The following CSMD1 variants were observed in gnomAD, a reference collection of about 807,000 sequenced individuals.
CSMD1 encodes CUB and Sushi multiple domains 1, also known as CUB and sushi domain-containing protein 1.
In CSMD1, 213 loss-of-function variants were observed where a neutral mutation model predicts 417.5. The ratio of observed to expected loss-of-function variants is 0.51; its 90% CI spans 0.46 to 0.57. The LOEUF is 0.57. Ranked by LOEUF, CSMD1 falls within the 20% of genes least tolerant of loss-of-function variation. The pLI is 0.00. For missense variants in CSMD1, 6,923 were observed against 4,529.7 expected, an observed-to-expected ratio of 1.53 and a Z score of -15.17; for synonymous variants, 2,862 against 1,736.8, an observed-to-expected ratio of 1.65 and a Z score of -16.11.
chr8:4,752,422 G>T (rs1250455323), intron 1 of CSMD1, among the ~76,000 whole-genome samples: 1 of 152,152 alleles, frequency 6.6e-6, no homozygotes, highest in Admixed American at 6.5e-5. Flanking sequence ...GACTGAACTT[G>T]TGACTGATTG....
intron 10 of CSMD1, among the ~76,000 whole-genome samples, chr8:3,572,866 C>G (rs1232678861): frequency 6.6e-6 from 1 of 152,168 alleles, no homozygotes; most frequent in African/African-American, 2.4e-5. Flanking sequence ...TAAAGTTCTA[C>G]TATCTAACCT....
At chr8:4,283,783 G>C (rs982760474) in intron 3 of CSMD1, among the ~76,000 whole-genome samples, 1 of 34,350 alleles carries the variant, frequency 2.9e-5, no homozygotes, top group Non-Finnish European at 1.2e-4. Context: ...ACCAAAAGGA[G>C]AATAAAAAAA....
At chr8:4,236,231 G>C (rs571696392) in intron 3 of CSMD1, among the ~76,000 whole-genome samples, 1 of 151,856 alleles carries the variant, frequency 6.6e-6, no homozygotes. Context: ...ATAATCCATC[G>C]CATCACCTAC....
At position 3,806,931 on chromosome 8, in the gene CSMD1, T is replaced by C. The variant is rs139912860; in HGVS notation, c.819-52889A>G. On this transcript the variant is annotated intron_variant, in intron 5 of 69. Coordinates refer to ENST00000635120, the MANE Select transcript of CSMD1 (RefSeq NM_033225.6). ...AGTAGTAGTGAGGTACTTATTCTAATTGTCAGATAGGATTTAATCCAACTG... is the reference window on the plus strand; with the variant it reads ...AGTAGTAGTGAGGTACTTATTCTAACTGTCAGATAGGATTTAATCCAACTG... 3.0e-4 allele frequency among the ~76,000 whole-genome samples: 45 copies of C among 152,274 alleles called. No homozygotes were observed. In the East Asian group the frequency reaches 7.3e-3, roughly 25 times the overall value.
At chr8:4,212,329 G>A (rs545965498) in intron 3 of CSMD1, among the ~76,000 whole-genome samples, 58 of 152,026 alleles carry the variant, frequency 3.8e-4, no homozygotes, top group Admixed American at 1.1e-3. Flanking sequence ...TGTATCTACA[G>A]GTAACTTGAA....
intron 3 of CSMD1, among the ~76,000 whole-genome samples, chr8:4,404,205 G>A (rs932746829): frequency 9.2e-5 from 14 of 151,986 alleles, no homozygotes; most frequent in African/African-American, 2.9e-4. Context: ...CTGACAATCC[G>A]TATGCCACTT....
At chr8:4,985,683 T>G (rs1331545349) in intron 1 of CSMD1, among the ~76,000 whole-genome samples, 1 of 152,200 alleles carries the variant, frequency 6.6e-6, no homozygotes, top group Non-Finnish European at 1.5e-5. Flanking sequence ...GAATTTCCCT[T>G]GATATTATTT....
intron 6 of CSMD1, among the ~76,000 whole-genome samples, chr8:3,748,052 G>A (rs751488774): frequency 1.3e-5 from 2 of 152,114 alleles, no homozygotes; most frequent in Non-Finnish European, 2.9e-5. Context: ...AGGGGTACTG[G>A]CTAATCGTAA....
At chr8:4,724,518 ATATGTGTGTGTG>A (rs1809284723) in intron 1 of CSMD1, among the ~76,000 whole-genome samples, 1 of 138,188 alleles carries the variant, frequency 7.2e-6, no homozygotes, top group South Asian at 2.3e-4. Flanking sequence ...CTTTATATAT[ATATGTGTGTGTG>A]TGTGTGTGTG....
At chr8:3,107,905 G>C in intron 44 of CSMD1, 107 bp from the exon 45 acceptor site, 1 of 674,862 alleles carries the variant, frequency 1.5e-6, no homozygotes, top group Non-Finnish European at 2.5e-6. Flanking sequence ...TTAAGTACAC[G>C]GACTGAAATG....
chr8:3,085,802 C>A (rs1034828124), intron 49 of CSMD1, among the ~76,000 whole-genome samples: 3 of 152,150 alleles, frequency 2.0e-5, no homozygotes, highest in African/African-American at 4.8e-5. Flanking sequence ...GAACTCCTTG[C>A]ATATCCATCA....
chr8:3,432,508 CTTTTTTTTT>C, intron 12 of CSMD1, among the ~76,000 whole-genome samples: 1 of 105,316 alleles, frequency 9.5e-6, no homozygotes, highest in East Asian at 2.7e-4. Flanking sequence ...TCAATATGGG[CTTTTTTTTT>C]TTTTTTTTTT....
intron 54 of CSMD1, among the ~76,000 whole-genome samples, chr8:2,982,421 T>C (rs1372856828): frequency 1.3e-5 from 2 of 152,226 alleles, no homozygotes; most frequent in Non-Finnish European, 2.9e-5. Flanking sequence ...TTATTCTCTT[T>C]CAAACTTTCT....
Position 3,156,328 on chromosome 8 carries a change from A to G in CSMD1, c.5914+1569T>C, listed in dbSNP as rs142567512. Reference sequence around the variant, plus strand: ...ACAGCACCCCAGAAGTGTGACTGTTATAATGATCCAGGCTCTCTGATACTC... The same window carrying G: ...ACAGCACCCCAGAAGTGTGACTGTTGTAATGATCCAGGCTCTCTGATACTC... On this transcript the variant is annotated intron_variant, in intron 39 of 69. Coordinates refer to ENST00000635120, the MANE Select transcript of CSMD1 (RefSeq NM_033225.6). Among the ~76,000 whole-genome samples, 401 of 152,320 alleles carry G rather than the reference A, an allele frequency of 2.6e-3. 8 individuals carry two copies. The highest frequency in any genetic ancestry group is 9.2e-3 in the African/African-American group (383 of 41,568).
At chr8:4,137,054 G>A (rs928830382) in intron 3 of CSMD1, among the ~76,000 whole-genome samples, 2 of 152,188 alleles carry the variant, frequency 1.3e-5, no homozygotes, top group Non-Finnish European at 2.9e-5. Flanking sequence ...GGCTTTTCGG[G>A]CTCTAACTTC....
intron 41 of CSMD1, among the ~76,000 whole-genome samples, chr8:3,132,441 T>C (rs1389152643): frequency 3.9e-5 from 6 of 152,130 alleles, no homozygotes; most frequent in Non-Finnish European, 4.4e-5. Flanking sequence ...TAATGTTTTA[T>C]TCAAAAATGG....
intron 5 of CSMD1, among the ~76,000 whole-genome samples, chr8:3,870,163 C>G (rs972129997): frequency 6.6e-6 from 1 of 152,052 alleles, no homozygotes; most frequent in Non-Finnish European, 1.5e-5. Flanking sequence ...CAATTTGAAT[C>G]TTGGTTAAAG....
At chr8:3,983,706 G>T (rs889466462) in intron 5 of CSMD1, among the ~76,000 whole-genome samples, 1 of 152,204 alleles carries the variant, frequency 6.6e-6, no homozygotes, top group African/African-American at 2.4e-5. Context: ...ATGGATTGGG[G>T]GCCATTGCTA....
In CSMD1 at chr8:3,997,950, T is replaced by G. The variant is rs1489683452; in HGVS notation, c.771A>C (p.Glu257Asp). 3 of 1,612,150 alleles carry G rather than the reference T, an allele frequency of 1.9e-6. No individual in the cohort carries two copies. In the Admixed American group the frequency reaches 5.0e-5, roughly 27 times the overall value. ...CACTGATCTCTAAGAAATCATATCCTTCTTCTAGCTGAAAGTCAGTGAAGA... is the reference window on the plus strand; with the variant it reads ...CACTGATCTCTAAGAAATCATATCCGTCTTCTAGCTGAAAGTCAGTGAAGA... Reference protein sequence around the residue: ...ALVFTDFQLEEGYDFLEISGT... With the variant: ...ALVFTDFQLEDGYDFLEISGT... Residue 257 changes from glutamate to aspartate, a missense_variant, in exon 5 of 70, where the codon GAA (glutamate) becomes GAC (aspartate). Transcript: ENST00000635120.
Sources: allele counts gnomAD v4.1 joint callset (sites outside exome capture counted in the v4.1 genomes callset), GRCh38; gene constraint gnomAD v4.1.1; transcripts MANE v1.5; gene names NCBI Gene and HGNC (gene_info 2026-07-23, HGNC 2026-07-21).